The following COL4A3 variants were observed in gnomAD, a reference collection of about 807,000 sequenced individuals.
COL4A3 encodes collagen type IV alpha 3 chain.
Under a neutral mutation model 217.4 loss-of-function variants are expected in COL4A3, and 135 were observed. The observed-to-expected ratio is 0.62, with a 90% CI of 0.54 to 0.72. The LOEUF (loss-of-function observed/expected upper bound fraction) is 0.72, where lower values mean the gene tolerates loss of function less well. COL4A3 is among the 30% of genes least tolerant of loss of function. The probability of loss-of-function intolerance (pLI) is 0.00; values close to 1 mark genes in which losing one functional copy is unlikely to be tolerated. For synonymous variants in COL4A3, 690 were observed against 736.3 expected (o/e 0.94, Z 1.02); for missense variants, 1,868 against 2,119.9 (o/e 0.88, Z 2.33).
intron 1 of COL4A3, among the ~76,000 whole-genome samples, chr2:227,175,532 AT>A (rs2065646533): frequency 6.6e-6 from 1 of 152,152 alleles, no homozygotes; most frequent in Non-Finnish European, 1.5e-5. Context: ...ATAACATGAA[AT>A]TTTAAAAGCT....
At chr2:227,185,290 G>C (rs1246293650) in intron 1 of COL4A3, among the ~76,000 whole-genome samples, 1 of 152,200 alleles carries the variant, frequency 6.6e-6, no homozygotes, top group African/African-American at 2.4e-5. Context: ...TTCTGGCCAA[G>C]TGCAAGGTCT....
Position 227,253,470 on chromosome 2 carries a change from TAAAGGGGA to T in COL4A3, c.688-86_688-79del. On this transcript the variant is annotated intron_variant, in intron 12 of 51. Transcript: ENST00000396578. This position sits in a 1 kb window ranked among gnomAD's most constrained non-coding sequence, Gnocchi z 4.4. ...TTGTTCTATCTTCCCGTATAAGCAC[TAAAGGGGA>T]AAAGTAGACCTTTCAAACGTAGTAA... 7.0e-7 allele frequency: 1 copy of T among 1,425,732 alleles called. No individual in the cohort carries two copies. The highest frequency in any genetic ancestry group is 9.9e-7 in the Non-Finnish European group (1 of 1,008,226). 88.3% of individuals were successfully genotyped at this position (1,425,732 alleles called of 1,614,324 possible).
chr2:227,251,552 G>A (rs897079389), intron 11 of COL4A3, among the ~76,000 whole-genome samples, 181 bp downstream of exon 11: 4 of 152,130 alleles, frequency 2.6e-5, no homozygotes, highest in African/African-American at 9.7e-5. Context: ...TCAGTACCTT[G>A]ATCCCTGATA....
chr2:227,190,815 G>A (rs1460312916), intron 1 of COL4A3, among the ~76,000 whole-genome samples: 1 of 152,206 alleles, frequency 6.6e-6, no homozygotes, highest in African/African-American at 2.4e-5. Context: ...GCTGATGTGG[G>A]AGGATCGCTT....
Position 227,309,092 on chromosome 2 carries a change from C to T in COL4A3, c.4640+16C>T. Reference sequence around the variant, plus strand: ...ATATAAGCAGGTAAAAATCCAATCCCCTAGTTTTACAATGGGACCAAGTGA... The same window carrying T: ...ATATAAGCAGGTAAAAATCCAATCCTCTAGTTTTACAATGGGACCAAGTGA... On this transcript the variant is annotated intron_variant, in intron 49 of 51. Coordinates refer to ENST00000396578, the MANE Select transcript of COL4A3 (RefSeq NM_000091.5). 6.2e-7 allele frequency: 1 copy of T among 1,614,000 alleles called. No individual in the cohort carries two copies. The highest frequency in any genetic ancestry group is 8.5e-7 in the Non-Finnish European group (1 of 1,179,864).
intron 1 of COL4A3, among the ~76,000 whole-genome samples, chr2:227,206,865 T>C (rs1295645248): frequency 6.6e-6 from 1 of 152,216 alleles, no homozygotes; most frequent in African/African-American, 2.4e-5. Context: ...CACCCCATTT[T>C]CTAGATGAAG....
chr2:227,177,757 G>A (rs768177219), intron 1 of COL4A3, among the ~76,000 whole-genome samples: 4 of 152,176 alleles, frequency 2.6e-5, no homozygotes, highest in African/African-American at 4.8e-5. Flanking sequence ...CCACTGGGGC[G>A]TGAATCATCC....
In COL4A3 at chr2:227,247,590, T is replaced by A; in HGVS notation, c.468+6T>A. 6.2e-7 allele frequency: 1 copy of A among 1,613,996 alleles called. No homozygotes were observed. The highest frequency in any genetic ancestry group is 8.5e-7 in the Non-Finnish European group (1 of 1,179,888). On this transcript the variant is annotated splice_donor_region_variant and intron_variant, in intron 8 of 51. Transcript: ENST00000396578. ...CTGGTTTGAAAGGACAAAAGGTAAG[T>A]CATTGGTGGAATGCTGTCACTGAAA...
intron 43 of COL4A3, among the ~76,000 whole-genome samples, chr2:227,302,724 G>T (rs573849210): frequency 9.2e-5 from 12 of 129,924 alleles, no homozygotes; most frequent in African/African-American, 3.6e-4. Context: ...GGCAGTACTG[G>T]GCTACTCCAT....
chr2:227,234,904 T>A (rs534430410), intron 1 of COL4A3, among the ~76,000 whole-genome samples: 1 of 152,310 alleles, frequency 6.6e-6, no homozygotes, highest in East Asian at 1.9e-4. Flanking sequence ...CCCTAGAGGC[T>A]CAGAATCCAG....
Position 227,253,284 on chromosome 2 carries a change from G to C in COL4A3, c.646-12G>C, listed in dbSNP as rs201615864. On this transcript the variant is annotated splice_polypyrimidine_tract_variant and intron_variant, in intron 11 of 51. Coordinates refer to ENST00000396578, the MANE Select transcript of COL4A3 (RefSeq NM_000091.5). This position sits in a 1 kb window ranked among gnomAD's most constrained non-coding sequence, Gnocchi z 4.4. ...TTTTTAGAAAATAATTTGGTTTTGT[G>C]TTTTCTTACAGGGTCACATGGGTGA... 17 of 1,612,568 alleles carry C rather than the reference G, an allele frequency of 1.1e-5. No homozygotes were observed. The highest frequency in any genetic ancestry group is 8.5e-7 in the Non-Finnish European group (1 of 1,178,740).
At chr2:227,267,394 C>T (rs2070965217) in intron 23 of COL4A3, among the ~76,000 whole-genome samples, 1 of 152,240 alleles carries the variant, frequency 6.6e-6, no homozygotes, top group African/African-American at 2.4e-5. Flanking sequence ...ATGAAACACA[C>T]ACCCTCTTTC....
At position 227,270,916 on chromosome 2, in the gene COL4A3, G is replaced by C; in HGVS notation, c.1722G>C (p.Pro574=). ...GCTTGGATGGAATTCCTGGAACTCC[G>C]GGAGTGAAAGGATTACCAGGACCTA... ...RKGLDGIPGT[P]GVKGLPGPKG... is the part of the protein sequence containing the mutation. Residue 574 remains proline, a synonymous_variant, in exon 25 of 52, where the codon CCG becomes CCC. Transcript: ENST00000396578. 6.2e-7 allele frequency: 1 copy of C among 1,614,080 alleles called. No individual in the cohort carries two copies. Among genetic ancestry groups the C allele is most frequent in the Non-Finnish European group, 8.5e-7 (1 of 1,179,982 alleles).
intron 9 of COL4A3, 76 bp from the exon 10 acceptor site, chr2:227,251,064 T>C: frequency 9.6e-7 from 1 of 1,046,778 alleles, no homozygotes; most frequent in Non-Finnish European, 1.5e-6. Context: ...AATATTTTAA[T>C]GCATTTAATT....
At chr2:227,181,592 T>C (rs532911028) in intron 1 of COL4A3, among the ~76,000 whole-genome samples, 1 of 152,332 alleles carries the variant, frequency 6.6e-6, no homozygotes, top group South Asian at 2.1e-4. Flanking sequence ...AACCTGGGGA[T>C]AACCAGTGAG....
intron 15 of COL4A3, among the ~76,000 whole-genome samples, chr2:227,255,573 T>C (rs2070108872): frequency 6.6e-6 from 1 of 152,200 alleles, no homozygotes; most frequent in Non-Finnish European, 1.5e-5. Flanking sequence ...TACCACACTA[T>C]ATCTTTTATA....
At position 227,299,121 on chromosome 2, in the gene COL4A3, C is replaced by T. The variant is rs1279692676; in HGVS notation, c.3882+309C>T. On this transcript the variant is annotated intron_variant, in intron 43 of 51. Transcript: ENST00000396578. ...TTATAAAACCATCAGATCGGCCGGG[C>T]ATGGTGGCTCACGCCTGTAATCCCA... Among the ~76,000 whole-genome samples the T allele has an allele frequency of 3.3e-5, 5 of 152,150 alleles. 1 individual carries two copies. Among genetic ancestry groups the T allele is most frequent in the Non-Finnish European group, 2.9e-5 (2 of 68,024 alleles).
At chr2:227,226,488 T>C (rs1295928022) in intron 1 of COL4A3, among the ~76,000 whole-genome samples, 1 of 151,606 alleles carries the variant, frequency 6.6e-6, no homozygotes, top group Non-Finnish European at 1.5e-5. Context: ...TTTTTTTTTT[T>C]AGATGGAGTC....
chr2:227,252,600 AC>A, intron 11 of COL4A3, among the ~76,000 whole-genome samples: 1 of 145,872 alleles, frequency 6.9e-6, no homozygotes, highest in East Asian at 1.9e-4. Context: ...ACACACACAC[AC>A]ACACACACAC....
Sources: gnomAD v4.1 joint callset for allele counts (sites outside exome capture counted in the v4.1 genomes callset) on GRCh38, gnomAD v4.1.1 for gene constraint, Gnocchi (gnomAD v3.1) non-coding constraint, MANE v1.5 for transcripts, NCBI Gene and HGNC (gene_info 2026-07-23, HGNC 2026-07-21) for gene names.